The following RELN variants were observed in gnomAD, a reference collection of about 807,000 sequenced individuals.
RELN encodes reelin.
Under a neutral mutation model 427.6 loss-of-function variants are expected in RELN, and 108 were observed. The ratio of observed to expected loss-of-function variants is 0.25; its 90% CI spans 0.22 to 0.30. The LOEUF (loss-of-function observed/expected upper bound fraction) is 0.30. RELN is among the 10% of genes least tolerant of loss of function. RELN has a pLI of 1.00. For synonymous variants in RELN, 1,524 were observed against 1,513.4 expected (o/e 1.01, Z -0.16); for missense variants, 3,715 against 4,302.8 (o/e 0.86, Z 3.82).
At position 103,676,913 on chromosome 7, in the gene RELN, T is replaced by G. The variant is rs770867255; in HGVS notation, c.1289+5203A>C. 2.2e-4 allele frequency among the ~76,000 whole-genome samples: 33 copies of G among 151,826 alleles called. 1 individual carries two copies. Among genetic ancestry groups the G allele is most frequent in the Non-Finnish European group, 3.4e-4 (23 of 67,964 alleles). ...ATGGGGTGGGAGCAGGGGGGAGGGA[T>G]AGCATTAGGAGATATATCTAATATA... On this transcript the variant is annotated intron_variant, in intron 11 of 64. Transcript: ENST00000428762.
rs780390503 is a variant in RELN at position 103,515,316 on chromosome 7, G to A, written c.7988C>T (p.Ser2663Phe). 5 of 1,614,134 alleles carry A rather than the reference G, an allele frequency of 3.1e-6. No homozygotes were observed. Among genetic ancestry groups the A allele is most frequent in the Non-Finnish European group, 4.2e-6 (5 of 1,180,006 alleles). Residue 2663 changes from serine (S) to phenylalanine (F), a missense_variant, in exon 50 of 65, where the codon TCT (serine) becomes TTT (phenylalanine). Ser to Phe is a radical substitution (Grantham distance 155, BLOSUM62 -2). Around this residue, in one of 4 missense-constraint regions of RELN, gnomAD observed 1,310 missense variants for 1,643.0 expected, o/e 0.80. Coordinates refer to ENST00000428762, the MANE Select transcript of RELN (RefSeq NM_005045.4). Reference sequence around the variant, plus strand: ...CAGCATAACGGTCCTTTGGTCAGCAGAGCCTGAGATGAGGACATTGTCAAT... The same window carrying A: ...CAGCATAACGGTCCTTTGGTCAGCAAAGCCTGAGATGAGGACATTGTCAAT... Reference protein sequence around the residue: ...WAIDNVLISGSADQRTVMLDT... With the variant: ...WAIDNVLISGFADQRTVMLDT...
chr7:103,827,795 GA>G (rs1793179356), intron 3 of RELN, among the ~76,000 whole-genome samples: 1 of 151,764 alleles, frequency 6.6e-6, no homozygotes, highest in South Asian at 2.1e-4. Context: ...CTTAAAAACA[GA>G]AAACTAGACT....
At chr7:103,939,562 C>G (rs1285491675) in intron 1 of RELN, among the ~76,000 whole-genome samples, 1 of 152,158 alleles carries the variant, frequency 6.6e-6, no homozygotes, top group African/African-American at 2.4e-5. Context: ...TATAACCATT[C>G]TTTGTGTACT....
chr7:103,885,301 T>C (rs1259624312), intron 2 of RELN, among the ~76,000 whole-genome samples: 2 of 150,544 alleles, frequency 1.3e-5, no homozygotes, highest in Non-Finnish European at 2.9e-5. Flanking sequence ...ACAGCACCAC[T>C]GCACTCCAGG....
intron 3 of RELN, among the ~76,000 whole-genome samples, chr7:103,793,673 G>A (rs1047278427): frequency 6.6e-6 from 1 of 152,208 alleles, no homozygotes; most frequent in Non-Finnish European, 1.5e-5. Flanking sequence ...CCTAGCAGGT[G>A]TATTTTCAGG....
intron 11 of RELN, among the ~76,000 whole-genome samples, chr7:103,676,943 A>G (rs566572141): frequency 6.6e-6 from 1 of 152,192 alleles, no homozygotes; most frequent in South Asian, 2.1e-4. Context: ...AATATAAATG[A>G]TGAGTTAATG....
At chr7:103,527,160 T>C (rs1192326783) in intron 46 of RELN, among the ~76,000 whole-genome samples, 1 of 152,088 alleles carries the variant, frequency 6.6e-6, no homozygotes, top group Non-Finnish European at 1.5e-5. Context: ...CATTACAGAG[T>C]CTTCATTTTT....
intron 6 of RELN, among the ~76,000 whole-genome samples, chr7:103,730,660 A>G: frequency 6.6e-6 from 1 of 152,138 alleles, no homozygotes; most frequent in East Asian, 1.9e-4. Flanking sequence ...AAGATTTATA[A>G]TTATCAGATA....
rs904083305 is a variant in RELN, at chr7:103,771,470, T to C, written c.544+5087A>G. Reference sequence around the variant, plus strand: ...GAATGCATTGCCTCCGCAGCATCAATAGGCTGATGGTTCTCAAATGTCCTT... The same window carrying C: ...GAATGCATTGCCTCCGCAGCATCAACAGGCTGATGGTTCTCAAATGTCCTT... On this transcript the variant is annotated intron_variant, in intron 4 of 64. Transcript: ENST00000428762. Among the ~76,000 whole-genome samples the C allele has an allele frequency of 5.3e-5, 8 of 152,154 alleles. No homozygotes were observed. The East Asian group carries it at 1.4e-3, about 26-fold the overall frequency.
intron 1 of RELN, among the ~76,000 whole-genome samples, chr7:103,921,007 G>A (rs751883531): frequency 6.6e-6 from 1 of 152,202 alleles, no homozygotes; most frequent in Non-Finnish European, 1.5e-5. Context: ...TAGAAGGTAC[G>A]TAATGCATTC....
rs548486483 is a variant in RELN, at chr7:103,700,229, T to A, written c.902+681A>T. Reference sequence around the variant, plus strand: ...AATATCTTATACCTAAAATTAAGTATCCATTTAGAATTTTATTTCATGGTT... The same window carrying A: ...AATATCTTATACCTAAAATTAAGTAACCATTTAGAATTTTATTTCATGGTT... On this transcript the variant is annotated intron_variant, in intron 9 of 64. Transcript: ENST00000428762. Among the ~76,000 whole-genome samples the A allele has an allele frequency of 1.6e-3, 249 of 152,210 alleles. 2 individuals carry two copies. Among genetic ancestry groups the A allele is most frequent in the African/African-American group, 5.9e-3 (247 of 41,558 alleles).
At chr7:103,537,429 C>T (rs900463952) in intron 45 of RELN, among the ~76,000 whole-genome samples, 2 of 152,194 alleles carry the variant, frequency 1.3e-5, no homozygotes, top group Non-Finnish European at 2.9e-5. Flanking sequence ...ATGACCTTAC[C>T]AAGCACAAAT....
chr7:103,751,582 T>C (rs1234154001), intron 5 of RELN, among the ~76,000 whole-genome samples: 1 of 152,248 alleles, frequency 6.6e-6, no homozygotes, highest in Admixed American at 6.5e-5. Flanking sequence ...ATGATTCCTC[T>C]GAGCGATGAG....
intron 2 of RELN, among the ~76,000 whole-genome samples, chr7:103,869,115 T>C (rs1563060769): frequency 6.6e-6 from 1 of 152,066 alleles, no homozygotes; most frequent in Non-Finnish European, 1.5e-5. Flanking sequence ...GGGCAAGTGG[T>C]AATCTTACAA....
At chr7:103,744,815 C>G (rs1790772492) in intron 6 of RELN, among the ~76,000 whole-genome samples, 1 of 152,164 alleles carries the variant, frequency 6.6e-6, no homozygotes, top group African/African-American at 2.4e-5. Context: ...GATGGATTCA[C>G]AGCCAAATTC....
chr7:103,772,916 C>T (rs1055305238), intron 4 of RELN, among the ~76,000 whole-genome samples: 2 of 152,038 alleles, frequency 1.3e-5, no homozygotes, highest in Non-Finnish European at 2.9e-5. Flanking sequence ...TTTAAGCAGG[C>T]AAATGAAAGA....
intron 34 of RELN, among the ~76,000 whole-genome samples, chr7:103,564,813 A>G (rs1830712840): frequency 6.6e-6 from 1 of 152,232 alleles, no homozygotes; most frequent in Non-Finnish European, 1.5e-5. Context: ...GTAAGTCAGT[A>G]CAACTCTTGA....
At chr7:103,829,788 C>T (rs1321018953) in intron 3 of RELN, among the ~76,000 whole-genome samples, 2 of 152,010 alleles carry the variant, frequency 1.3e-5, no homozygotes, top group Admixed American at 1.3e-4. Flanking sequence ...AAGGCACACA[C>T]AGCACATTAT....
At chr7:103,730,226 G>A (rs1002081610) in intron 6 of RELN, among the ~76,000 whole-genome samples, 76 of 152,068 alleles carry the variant, frequency 5.0e-4, no homozygotes, top group African/African-American at 1.7e-3. Context: ...CCTGCTGTTT[G>A]AACTTCTACA....
Sources: gnomAD v4.1 joint callset for allele counts (sites outside exome capture counted in the v4.1 genomes callset) on GRCh38, gnomAD v4.1.1 for gene constraint, gnomAD v4.1.1 regional missense constraint, MANE v1.5 for transcripts, NCBI Gene and HGNC (gene_info 2026-07-23, HGNC 2026-07-21) for gene names.